The following UBE2QL1 variants were observed in gnomAD, a reference collection of about 807,000 sequenced individuals.
UBE2QL1 encodes ubiquitin conjugating enzyme E2 QL1, also known as ubiquitin-conjugating enzyme E2Q-like protein 1.
UBE2QL1 carries 5 observed loss-of-function variants against 12.6 expected under a neutral mutation model. The observed-to-expected ratio is 0.40, with a 90% CI of 0.21 to 0.83. UBE2QL1 has a LOEUF of 0.83. Among genes scored for constraint, UBE2QL1 ranks in the 40% least tolerant of loss-of-function variants. The pLI is 0.37. For synonymous variants in UBE2QL1, 96 were observed against 94.5 expected, an observed-to-expected ratio of 1.02 and a Z score of -0.10; for missense variants, 99 against 222.6, an observed-to-expected ratio of 0.44 and a Z score of 3.53.
In UBE2QL1 at chr5:6,479,826, C is replaced by T. The variant is rs1734321969; in HGVS notation, c.355-11392C>T. The stretch of plus-strand genomic sequence containing the variant: ...GACAGAGACTCACCAGGGAGGTCAC[C>T]CACCCTGTTCACCACGTCAGGCAGG... On this transcript the variant is annotated intron_variant, in intron 1 of 1. Transcript: ENST00000399816. The surrounding 1 kb of genome is among the most constrained non-coding windows in gnomAD (Gnocchi z 4.2). Among the ~76,000 whole-genome samples, 2 of 152,318 alleles carry T rather than the reference C, an allele frequency of 1.3e-5. No individual in the cohort carries two copies. Among genetic ancestry groups the T allele is most frequent in the Admixed American group, 1.3e-4 (2 of 15,306 alleles).
rs536053586 is a variant in UBE2QL1, at chr5:6,448,872, G to A, written c.-22G>A. The A allele has an allele frequency of 4.8e-6, 7 of 1,468,932 alleles. No homozygotes were observed. In the South Asian group the frequency reaches 8.2e-5, roughly 17 times the overall value. The allele number at this position is 1,468,932 out of a possible 1,614,324, so 91.0% of individuals were successfully genotyped here. On this transcript the variant is annotated 5_prime_UTR_variant, in exon 1 of 2. Transcript: ENST00000399816. ...CCGCGGCGCGCCAGCAACACTGCAC[G>A]CAGGTGCGCAGCCGGCGGCTCATGA...
At position 6,478,532 on chromosome 5, in the gene UBE2QL1, C is replaced by G. The variant is rs1734285081; in HGVS notation, c.355-12686C>G. ...GTGAAGCTCCTGCTAGCAGGGCAGACAGCGAATGGTGGCTGCCTCTGTTTT... is the reference window on the plus strand; with the variant it reads ...GTGAAGCTCCTGCTAGCAGGGCAGAGAGCGAATGGTGGCTGCCTCTGTTTT... On this transcript the variant is annotated intron_variant, in intron 1 of 1. Transcript: ENST00000399816. The surrounding 1 kb of genome is among the most constrained non-coding windows in gnomAD (Gnocchi z 4.5). Among the ~76,000 whole-genome samples the G allele has an allele frequency of 6.6e-6, 1 of 152,158 alleles. No individual in the cohort carries two copies.
chr5:6,488,086 G>A (rs1007021611), intron 1 of UBE2QL1, among the ~76,000 whole-genome samples: 2 of 152,212 alleles, frequency 1.3e-5, no homozygotes, highest in African/African-American at 4.8e-5. Flanking sequence ...CAGGAGATGC[G>A]ATGAGAGCTC....
At chr5:6,483,203 AGGCG>A (rs1734398211) in intron 1 of UBE2QL1, among the ~76,000 whole-genome samples, 1 of 152,118 alleles carries the variant, frequency 6.6e-6, no homozygotes, top group East Asian at 1.9e-4. Context: ...TGGGAGGCCG[AGGCG>A]GGTGGATCAC....
chr5:6,462,299 A>C (rs1202541792), intron 1 of UBE2QL1, among the ~76,000 whole-genome samples: 1 of 152,190 alleles, frequency 6.6e-6, no homozygotes, highest in Non-Finnish European at 1.5e-5. Context: ...CGGCAGCTGC[A>C]GGGCCACCAT....
Position 6,496,466 on chromosome 5 carries a change from G to C in UBE2QL1, c.*5117G>C, listed in dbSNP as rs1020148443. On this transcript the variant is annotated 3_prime_UTR_variant, in exon 2 of 2. Coordinates refer to ENST00000399816, the MANE Select transcript of UBE2QL1 (RefSeq NM_001145161.3). ...GGATGCTGATCTGTACACCATGAGT[G>C]ACTGCGAACTTTCAGACTCTCACCG... Among the ~76,000 whole-genome samples the C allele has an allele frequency of 2.0e-5, 3 of 152,138 alleles. No homozygotes were observed. Among genetic ancestry groups the C allele is most frequent in the African/African-American group, 7.2e-5 (3 of 41,410 alleles).
At chr5:6,465,429 A>G (rs1428666051) in intron 1 of UBE2QL1, among the ~76,000 whole-genome samples, 1 of 152,264 alleles carries the variant, frequency 6.6e-6, no homozygotes, top group Non-Finnish European at 1.5e-5. Context: ...GTGAAGTGGC[A>G]GACAGTAATG....
At position 6,476,393 on chromosome 5, in the gene UBE2QL1, C is replaced by T. The variant is rs145215083; in HGVS notation, c.355-14825C>T. 6.1e-4 allele frequency among the ~76,000 whole-genome samples: 93 copies of T among 152,326 alleles called. No homozygotes were observed. Among genetic ancestry groups the T allele is most frequent in the Non-Finnish European group, 9.7e-4 (66 of 68,020 alleles). The stretch of plus-strand genomic sequence containing the variant: ...AGCACTTAAAGGTCTAATTTTCCCA[C>T]GGGTGAAAACATCCCATTTTAAGAA... On this transcript the variant is annotated intron_variant, in intron 1 of 1. Coordinates refer to ENST00000399816, the MANE Select transcript of UBE2QL1 (RefSeq NM_001145161.3). The surrounding 1 kb of genome is among the most constrained non-coding windows in gnomAD (Gnocchi z 4.9).
At chr5:6,454,989 G>T (rs974223996) in intron 1 of UBE2QL1, among the ~76,000 whole-genome samples, 1 of 152,198 alleles carries the variant, frequency 6.6e-6, no homozygotes, top group Non-Finnish European at 1.5e-5. Flanking sequence ...CCCCACACCC[G>T]CTTGGAGAGC....
At position 6,448,890 on chromosome 5, in the gene UBE2QL1, G is replaced by A; in HGVS notation, c.-4G>A. 6.6e-7 allele frequency: 1 copy of A among 1,512,514 alleles called. No individual in the cohort carries two copies. 93.7% of individuals were successfully genotyped at this position (1,512,514 alleles called of 1,614,324 possible). ...ACTGCACGCAGGTGCGCAGCCGGCGGCTCATGAAGGAGCTGCAGGACATCG... is the reference window on the plus strand; with the variant it reads ...ACTGCACGCAGGTGCGCAGCCGGCGACTCATGAAGGAGCTGCAGGACATCG... On this transcript the variant is annotated 5_prime_UTR_variant, in exon 1 of 2. Coordinates refer to ENST00000399816, the MANE Select transcript of UBE2QL1 (RefSeq NM_001145161.3).
chr5:6,479,541 G>A lies in UBE2QL1; in HGVS notation c.355-11677G>A, dbSNP rs2126362583. On this transcript the variant is annotated intron_variant, in intron 1 of 1. Coordinates refer to ENST00000399816, the MANE Select transcript of UBE2QL1 (RefSeq NM_001145161.3). This position sits in a 1 kb window ranked among gnomAD's most constrained non-coding sequence, Gnocchi z 4.2. ...TTGAAGCAAATGAAGAGGTGCTGAT[G>A]TCTGTATCCTCCGGTGAGTCTGTCC... Among the ~76,000 whole-genome samples the A allele has an allele frequency of 1.3e-5, 2 of 152,332 alleles. 1 individual carries two copies. The highest frequency in any genetic ancestry group is 4.1e-4 in the South Asian group (2 of 4,820).
At chr5:6,452,444 T>G (rs1245928089) in intron 1 of UBE2QL1, among the ~76,000 whole-genome samples, 1 of 152,036 alleles carries the variant, frequency 6.6e-6, no homozygotes, top group Non-Finnish European at 1.5e-5. Flanking sequence ...ACTAGAGGCA[T>G]TTTTAGGTAA....
rs1734639316 is a variant in UBE2QL1, at chr5:6,494,816, C to CT, written c.*3468dup. On this transcript the variant is annotated 3_prime_UTR_variant, in exon 2 of 2. Coordinates refer to ENST00000399816, the MANE Select transcript of UBE2QL1 (RefSeq NM_001145161.3). ...AACTGACCCAAAAATCAACCAATAACTAACTGGCCATCTCTCCACTCACTC... is the reference window on the plus strand; with the variant it reads ...AACTGACCCAAAAATCAACCAATAACTTAACTGGCCATCTCTCCACTCACTC... 1 of 152,208 alleles carries CT rather than the reference C, an allele frequency of 6.6e-6. No individual in the cohort carries two copies. The highest frequency in any genetic ancestry group is 2.4e-5 in the African/African-American group (1 of 41,446). The allele number at this position is 152,208 out of a possible 1,614,324, so 9.4% of individuals were successfully genotyped here.
At chr5:6,466,038 C>T (rs961286108) in intron 1 of UBE2QL1, among the ~76,000 whole-genome samples, 9 of 152,158 alleles carry the variant, frequency 5.9e-5, no homozygotes, top group African/African-American at 2.2e-4. Flanking sequence ...CCCTTCCTGC[C>T]CCTCCCTCTT....
At chr5:6,454,511 A>G (rs1375433942) in intron 1 of UBE2QL1, among the ~76,000 whole-genome samples, 2 of 152,140 alleles carry the variant, frequency 1.3e-5, no homozygotes, top group Non-Finnish European at 2.9e-5. Flanking sequence ...TTCACCATGT[A>G]CCTTGGTGAA....
intron 1 of UBE2QL1, among the ~76,000 whole-genome samples, chr5:6,471,299 C>G (rs1186538273): frequency 6.6e-6 from 1 of 152,224 alleles, no homozygotes; most frequent in Non-Finnish European, 1.5e-5. Context: ...CTCCTAGTTT[C>G]TGTAGTTGAG....
chr5:6,461,552 C>A (rs950732499), intron 1 of UBE2QL1, among the ~76,000 whole-genome samples: 1 of 126,366 alleles, frequency 7.9e-6, no homozygotes, highest in African/African-American at 2.8e-5. Context: ...CACCCCCCCC[C>A]GCCGGCATAT....
At chr5:6,488,363 C>G (rs1734504038) in intron 1 of UBE2QL1, among the ~76,000 whole-genome samples, 1 of 151,796 alleles carries the variant, frequency 6.6e-6, no homozygotes. Context: ...CTCTATTGGT[C>G]TAGCTACCTT....
At chr5:6,460,545 C>T (rs1023783312) in intron 1 of UBE2QL1, among the ~76,000 whole-genome samples, 1 of 152,200 alleles carries the variant, frequency 6.6e-6, no homozygotes, top group Non-Finnish European at 1.5e-5. Context: ...AAATCTACTG[C>T]TGTGGACGCT....
Sources: gnomAD v4.1 joint callset for allele counts (sites outside exome capture counted in the v4.1 genomes callset) on GRCh38, gnomAD v4.1.1 for gene constraint, Gnocchi (gnomAD v3.1) non-coding constraint, MANE v1.5 for transcripts, NCBI Gene and HGNC (gene_info 2026-07-23, HGNC 2026-07-21) for gene names.